The following GRID2 variants were observed in gnomAD, a reference collection of about 807,000 sequenced individuals.
GRID2 encodes glutamate receptor ionotropic, delta-2.
In GRID2, 33 loss-of-function variants were observed where a neutral mutation model predicts 114.8. That is an observed-to-expected ratio of 0.29 (90% CI 0.22 to 0.38). GRID2 has a LOEUF of 0.38. Among genes scored for constraint, GRID2 ranks in the 10% least tolerant of loss-of-function variants. The pLI is 1.00. For missense variants in GRID2, 1,184 were observed against 1,257.7 expected (o/e 0.94, Z 0.89); for synonymous variants, 505 against 449.9 (o/e 1.12, Z -1.55).
rs1295241145 is a variant in GRID2, at chr4:93,445,016, A to T, written c.1546-10646A>T. ...AGACTTCCCACAATATGAATTTCCCAGTTTCTCTCCTTAGCTAGTGTGGTC... is the reference window on the plus strand; with the variant it reads ...AGACTTCCCACAATATGAATTTCCCTGTTTCTCTCCTTAGCTAGTGTGGTC... On this transcript the variant is annotated intron_variant, in intron 10 of 15. Coordinates refer to ENST00000282020, the MANE Select transcript of GRID2 (RefSeq NM_001510.4). Among the ~76,000 whole-genome samples, 3 of 152,034 alleles carry T rather than the reference A, an allele frequency of 2.0e-5. No homozygotes were observed. In the East Asian group the frequency reaches 5.8e-4, roughly 29 times the overall value.
At chr4:93,031,744 CTT>C (rs869302929) in intron 2 of GRID2, among the ~76,000 whole-genome samples, 1 of 143,164 alleles carries the variant, frequency 7.0e-6, no homozygotes. Flanking sequence ...TCAATTAAAC[CTT>C]TTTTTTTTTT....
chr4:92,652,541 G>A (rs759393975), intron 2 of GRID2, among the ~76,000 whole-genome samples: 1 of 151,442 alleles, frequency 6.6e-6, no homozygotes, highest in Non-Finnish European at 1.5e-5. Context: ...AGTTAGCCAG[G>A]CATGGTGACA....
chr4:93,675,071 G>C (rs115093197), intron 14 of GRID2, among the ~76,000 whole-genome samples: 1 of 152,024 alleles, frequency 6.6e-6, no homozygotes, highest in Admixed American at 6.6e-5. Flanking sequence ...TATATGTAAA[G>C]TATAACTAAC....
intron 2 of GRID2, among the ~76,000 whole-genome samples, chr4:92,833,278 T>G (rs536188343): frequency 1.3e-5 from 2 of 152,300 alleles, no homozygotes; most frequent in South Asian, 4.1e-4. Flanking sequence ...AAATATTGGT[T>G]AATACAAGTC....
rs1466326075 is a variant in GRID2 at position 92,449,711 on chromosome 4, A to ATATG, written c.89-140420_89-140419insTATG. ...TATATATATATATATATATATATAT[A>ATATG]ACACTTAAGCCAAATTCATTTATAT... On this transcript the variant is annotated intron_variant, in intron 1 of 15. Coordinates refer to ENST00000282020, the MANE Select transcript of GRID2 (RefSeq NM_001510.4). Among the ~76,000 whole-genome samples the ATATG allele has an allele frequency of 7.7e-4, 100 of 130,138 alleles. 2 individuals carry two copies. Among genetic ancestry groups the ATATG allele is most frequent in the African/African-American group, 2.9e-3 (95 of 32,230 alleles). The allele number at this position is 130,138 out of a possible 152,430, so 85.4% of individuals were successfully genotyped here.
intron 11 of GRID2, among the ~76,000 whole-genome samples, chr4:93,486,942 T>C (rs1021208194): frequency 5.9e-5 from 9 of 151,792 alleles, no homozygotes; most frequent in Non-Finnish European, 8.9e-5. Flanking sequence ...TAGATTTTGT[T>C]AGTAAGACCA....
At chr4:92,422,576 A>T (rs1355659410) in intron 1 of GRID2, among the ~76,000 whole-genome samples, 1 of 151,956 alleles carries the variant, frequency 6.6e-6, no homozygotes, top group Non-Finnish European at 1.5e-5. Context: ...AGGGAATTGA[A>T]GCTGTCCTCT....
rs571693977 is a variant in GRID2, at chr4:93,470,838, A to T, written c.1858+14864A>T. ...ATCAATTTATTTTTAAATTTTAAGTATTAGCTAAACAGTCTTATTAAGAGC... is the reference window on the plus strand; with the variant it reads ...ATCAATTTATTTTTAAATTTTAAGTTTTAGCTAAACAGTCTTATTAAGAGC... On this transcript the variant is annotated intron_variant, in intron 11 of 15. Coordinates refer to ENST00000282020, the MANE Select transcript of GRID2 (RefSeq NM_001510.4). 1.1e-4 allele frequency among the ~76,000 whole-genome samples: 17 copies of T among 152,224 alleles called. No individual in the cohort carries two copies. In the East Asian group the frequency reaches 2.3e-3, roughly 21 times the overall value.
chr4:93,716,297 A>G (rs998354417), intron 14 of GRID2, among the ~76,000 whole-genome samples: 4 of 152,174 alleles, frequency 2.6e-5, no homozygotes, highest in African/African-American at 9.7e-5. Flanking sequence ...GAGCATTGCT[A>G]GATATTTCCA....
chr4:93,207,526 A>G (rs1478821951), intron 5 of GRID2, 69 bp downstream of exon 5: 8 of 956,066 alleles, frequency 8.4e-6, no homozygotes, highest in East Asian at 2.5e-5. Context: ...AGCATTTCCA[A>G]TGGCCTTGAA....
intron 13 of GRID2, among the ~76,000 whole-genome samples, chr4:93,519,550 G>C: frequency 6.6e-6 from 1 of 152,074 alleles, no homozygotes. Flanking sequence ...CAAGGATCAT[G>C]TGCAGCACTA....
chr4:93,691,264 A>G (rs1459412477), intron 14 of GRID2, among the ~76,000 whole-genome samples: 1 of 152,018 alleles, frequency 6.6e-6, no homozygotes, highest in Admixed American at 6.6e-5. Context: ...TTTTATTCAG[A>G]GCATGAAATA....
intron 2 of GRID2, among the ~76,000 whole-genome samples, chr4:92,811,040 T>C (rs952111216): frequency 2.6e-5 from 4 of 152,076 alleles, no homozygotes; most frequent in Non-Finnish European, 5.9e-5. Context: ...GCCTCGGCCT[T>C]CCAAAGTGCT....
intron 2 of GRID2, among the ~76,000 whole-genome samples, chr4:92,742,497 C>A (rs1005895682): frequency 2.0e-5 from 3 of 152,102 alleles, no homozygotes; most frequent in African/African-American, 4.8e-5. Flanking sequence ...AATCTCTATG[C>A]ATTTTTCTTT....
intron 2 of GRID2, among the ~76,000 whole-genome samples, chr4:93,045,014 CTG>C (rs1725992526): frequency 6.6e-6 from 1 of 152,072 alleles, no homozygotes; most frequent in Admixed American, 6.6e-5. Flanking sequence ...TATCAAGAAA[CTG>C]TTTCTTGCAT....
chr4:93,035,958 G>A (rs2149262839), intron 2 of GRID2, among the ~76,000 whole-genome samples: 1 of 152,192 alleles, frequency 6.6e-6, no homozygotes, highest in African/African-American at 2.4e-5. Flanking sequence ...GGATAACCAG[G>A]GAACATCATA....
At chr4:92,877,655 C>T (rs1745731467) in intron 2 of GRID2, among the ~76,000 whole-genome samples, 1 of 152,092 alleles carries the variant, frequency 6.6e-6, no homozygotes, top group Admixed American at 6.6e-5. Context: ...ATCAGGATAC[C>T]TCCCATCCTT....
At chr4:92,388,371 G>A (rs187863707) in intron 1 of GRID2, among the ~76,000 whole-genome samples, 161 of 151,930 alleles carry the variant, frequency 1.1e-3, no homozygotes, top group African/African-American at 3.8e-3. Context: ...CCAATACCAC[G>A]GTTACAATAG....
At chr4:93,163,356 G>GTGTATA (rs1323439994) in intron 4 of GRID2, among the ~76,000 whole-genome samples, 1 of 56,270 alleles carries the variant, frequency 1.8e-5, no homozygotes, top group East Asian at 4.9e-4. Context: ...TTTTTTTTGT[G>GTGTATA]TATATATATA....
Sources: allele counts gnomAD v4.1 joint callset (sites outside exome capture counted in the v4.1 genomes callset), GRCh38; gene constraint gnomAD v4.1.1; transcripts MANE v1.5; gene names NCBI Gene and HGNC (gene_info 2026-07-23, HGNC 2026-07-21).